PPAT: variants seen among roughly 807,000 people sequenced by gnomAD.
PPAT encodes amidophosphoribosyltransferase.
PPAT carries 20 observed loss-of-function variants against 60.2 expected under a neutral mutation model. The observed-to-expected ratio is 0.33, with a 90% confidence interval of 0.23 to 0.48. The LOEUF is 0.48. PPAT is among the 20% of genes least tolerant of loss of function. PPAT has a pLI of 0.99. For missense variants in PPAT, 349 were observed against 629.6 expected (o/e 0.55, Z 4.77); for synonymous variants, 194 against 215.1 (o/e 0.90, Z 0.86).
chr4:56,425,754 A>G (rs113811487), intron 1 of PPAT, among the ~76,000 whole-genome samples: 1 of 152,178 alleles, frequency 6.6e-6, no homozygotes, highest in Non-Finnish European at 1.5e-5. Context: ...GCTTTGTGCC[A>G]GTGTGACCTC....
intron 5 of PPAT, 22 bp downstream of exon 5, chr4:56,403,018 T>C (rs761263126): frequency 6.4e-7 from 1 of 1,570,944 alleles, no homozygotes; most frequent in Non-Finnish European, 8.6e-7. Context: ...TATGAAATGA[T>C]ATTCCTTCTA....
At chr4:56,434,632 A>G (rs1427378439) in intron 1 of PPAT, among the ~76,000 whole-genome samples, 2 of 152,090 alleles carry the variant, frequency 1.3e-5, no homozygotes. Context: ...TGAAGAAGGG[A>G]GTTAATTTTT....
intron 1 of PPAT, among the ~76,000 whole-genome samples, chr4:56,431,766 G>A (rs568697215): frequency 7.9e-5 from 12 of 152,320 alleles, no homozygotes; most frequent in Non-Finnish European, 1.5e-4. Context: ...TCCATAAAAT[G>A]TGACTGTGTT....
intron 1 of PPAT, among the ~76,000 whole-genome samples, chr4:56,410,030 C>A (rs4864583): frequency 1.3e-5 from 2 of 151,914 alleles, no homozygotes; most frequent in Admixed American, 1.3e-4. Context: ...CCATATGGGA[C>A]TAAATAAATT....
chr4:56,410,325 T>C (rs1413176972), intron 1 of PPAT, among the ~76,000 whole-genome samples: 2 of 152,218 alleles, frequency 1.3e-5, no homozygotes, highest in African/African-American at 4.8e-5. Flanking sequence ...TTAAGAATCA[T>C]TTAGATCCAG....
In PPAT at chr4:56,396,238, A is replaced by C. The variant is rs113759324; in HGVS notation, c.1357+381T>G. ...CGAAGTCTCCTTATCTCATTATTGAATATGAACCTACACAAACTTTTTACC... is the reference window on the plus strand; with the variant it reads ...CGAAGTCTCCTTATCTCATTATTGACTATGAACCTACACAAACTTTTTACC... On this transcript the variant is annotated intron_variant, in intron 10 of 10. Transcript: ENST00000264220. The surrounding 1 kb of genome is among the most constrained non-coding windows in gnomAD (Gnocchi z 4.6). 294 of 156,846 alleles carry C rather than the reference A, an allele frequency of 1.9e-3. No homozygotes were observed. Among genetic ancestry groups the C allele is most frequent in the African/African-American group, 6.4e-3 (267 of 41,668 alleles). 9.7% of individuals were successfully genotyped at this position (156,846 alleles called of 1,614,324 possible). A position where few individuals can be genotyped will look rare whatever the true frequency, so the allele number is the denominator to read the frequency against.
chr4:56,426,031 CTG>C (rs1397588158), intron 1 of PPAT, among the ~76,000 whole-genome samples: 2 of 152,190 alleles, frequency 1.3e-5, no homozygotes, highest in African/African-American at 2.4e-5. Context: ...AAGCGTATAA[CTG>C]TGGTTTTTAG....
At position 56,435,526 on chromosome 4, in the gene PPAT, AAGC is replaced by A. The variant is rs1560653841; in HGVS notation, c.-52_-50del. 1 of 1,611,854 alleles carries A rather than the reference AAGC, an allele frequency of 6.2e-7. No individual in the cohort carries two copies. On this transcript the variant is annotated 5_prime_UTR_variant, in exon 1 of 11. Coordinates refer to ENST00000264220, the MANE Select transcript of PPAT (RefSeq NM_002703.5). ...GGACCTGCCGCTGCGGCCAAGGTGT[AAGC>A]ACCAACCAGCTGCCAGCTCGGCCCG...
chr4:56,434,224 G>A (rs138447153), intron 1 of PPAT, among the ~76,000 whole-genome samples: 11 of 152,316 alleles, frequency 7.2e-5, no homozygotes, highest in African/African-American at 2.6e-4. Context: ...CACACAAAAT[G>A]TGAAACTGAA....
rs184074077 is a variant in PPAT at position 56,395,190 on chromosome 4, T to G, written c.*162A>C. ...AATTGGAAATGTTCAGTTATCGCAC[T>G]TTGGTATCCTTTTCAGAAAAAAAAA... On this transcript the variant is annotated 3_prime_UTR_variant, in exon 11 of 11. Transcript: ENST00000264220. 5.1e-6 allele frequency: 3 copies of G among 594,032 alleles called. No homozygotes were observed. In the Admixed American group the frequency reaches 1.3e-4, roughly 26 times the overall value. The allele number at this position is 594,032 out of a possible 1,614,324, so 36.8% of individuals were successfully genotyped here.
intron 1 of PPAT, among the ~76,000 whole-genome samples, chr4:56,427,292 G>T (rs1444479028): frequency 6.6e-6 from 1 of 152,044 alleles, no homozygotes; most frequent in Non-Finnish European, 1.5e-5. Flanking sequence ...ATTTTTTTAG[G>T]ACCTGCAGTA....
chr4:56,408,035 T>G (rs779198223), intron 1 of PPAT: 13 of 220,696 alleles, frequency 5.9e-5, no homozygotes, highest in Middle Eastern at 1.7e-3. Context: ...TTGAGAGAGA[T>G]ATGACTGTGA....
At chr4:56,430,205 C>T (rs1190037789) in intron 1 of PPAT, among the ~76,000 whole-genome samples, 1 of 152,148 alleles carries the variant, frequency 6.6e-6, no homozygotes, top group Non-Finnish European at 1.5e-5. Context: ...AATTGCATGT[C>T]TCTCAATGGA....
intron 1 of PPAT, chr4:56,422,482 CGTGTGTGTGTGTGTGTGTGT>C (rs71194105): frequency 7.2e-6 from 1 of 138,532 alleles, no homozygotes; most frequent in East Asian, 2.1e-4. Flanking sequence ...TTTTTTTGTA[CGTGTGTGTGTGTGTGTGTGT>C]GTGTGTGTGT....
chr4:56,415,558 C>T (rs1716684319), intron 1 of PPAT, among the ~76,000 whole-genome samples: 1 of 152,092 alleles, frequency 6.6e-6, no homozygotes, highest in Admixed American at 6.5e-5. Context: ...TTCCTTAGTC[C>T]ATTTAAACAT....
intron 1 of PPAT, among the ~76,000 whole-genome samples, chr4:56,414,643 G>A (rs578179224): frequency 2.6e-4 from 39 of 152,326 alleles, no homozygotes; most frequent in Non-Finnish European, 4.9e-4. Context: ...TGAAGAGGTT[G>A]GAGAGAGAGC....
At chr4:56,416,234 C>A (rs1003357122) in intron 1 of PPAT, 2 of 153,042 alleles carry the variant, frequency 1.3e-5, no homozygotes, top group African/African-American at 4.8e-5. Flanking sequence ...CTATATTATA[C>A]AACTTTATTA....
In PPAT at chr4:56,415,200, T is replaced by C. The variant is rs373572482; in HGVS notation, c.129-7484A>G. Among the ~76,000 whole-genome samples the C allele has an allele frequency of 2.0e-5, 3 of 152,226 alleles. No individual in the cohort carries two copies. In the East Asian group the frequency reaches 5.8e-4, roughly 29 times the overall value. On this transcript the variant is annotated intron_variant, in intron 1 of 10. Transcript: ENST00000264220. Reference sequence around the variant, plus strand: ...ATGTAAAATACAATGCTACTTTTGTTACTCAATAAAATAGAAGTGGAAAAA... The same window carrying C: ...ATGTAAAATACAATGCTACTTTTGTCACTCAATAAAATAGAAGTGGAAAAA...
At chr4:56,405,756 C>T (rs1379865108) in intron 3 of PPAT, among the ~76,000 whole-genome samples, 1 of 152,242 alleles carries the variant, frequency 6.6e-6, no homozygotes, top group Non-Finnish European at 1.5e-5. Context: ...CCAGACTGTT[C>T]TTCTGTAGCC....
Sources: gnomAD v4.1 joint callset for allele counts (sites outside exome capture counted in the v4.1 genomes callset) on GRCh38, gnomAD v4.1.1 for gene constraint, Gnocchi (gnomAD v3.1) non-coding constraint, MANE v1.5 for transcripts, NCBI Gene and HGNC (gene_info 2026-07-23, HGNC 2026-07-21) for gene names.